RASGRP1: variants seen among roughly 807,000 people sequenced by gnomAD.
RASGRP1 encodes the protein RAS guanyl-releasing protein 1.
RASGRP1 carries 37 observed loss-of-function variants against 95.1 expected under a neutral mutation model. That is an observed-to-expected ratio of 0.39 (90% CI 0.30 to 0.51). RASGRP1 has a LOEUF of 0.51. RASGRP1 is among the 20% of genes least tolerant of loss of function. RASGRP1 has a pLI of 0.80. For missense variants in RASGRP1, 711 were observed against 965.4 expected, an observed-to-expected ratio of 0.74 and a Z score of 3.49; for synonymous variants, 325 against 353.4, an observed-to-expected ratio of 0.92 and a Z score of 0.90.
At chr15:38,523,996 A>G (rs1362339620) in intron 3 of RASGRP1, 1 of 152,506 alleles carries the variant, frequency 6.6e-6, no homozygotes, top group Non-Finnish European at 1.5e-5. Flanking sequence ...AGCAGAATTA[A>G]TGAGGTAGTG....
intron 2 of RASGRP1, among the ~76,000 whole-genome samples, chr15:38,558,076 T>A (rs1013695447): frequency 6.6e-6 from 1 of 152,152 alleles, no homozygotes; most frequent in African/African-American, 2.4e-5. Context: ...CTCGTCCCTC[T>A]TTTTTCAATA....
chr15:38,493,201 T>TTTA (rs1890663513), intron 16 of RASGRP1, among the ~76,000 whole-genome samples: 1 of 131,226 alleles, frequency 7.6e-6, no homozygotes, highest in South Asian at 2.7e-4. Flanking sequence ...TTTTTTTTTT[T>TTTA]AAGATGGAGT....
Position 38,507,765 on chromosome 15 carries a change from T to C in RASGRP1, c.1203A>G (p.Pro401=). The C allele has an allele frequency of 6.3e-7, 1 of 1,593,290 alleles. No individual in the cohort carries two copies. Among genetic ancestry groups the C allele is most frequent in the Non-Finnish European group, 8.6e-7 (1 of 1,169,544 alleles). Residue 401 remains proline (P), a synonymous_variant, in exon 9 of 17, where the codon CCA becomes CCG. Transcript: ENST00000310803. ...CCAAGTCCTTGTTAGCCTCCAAGGG[T>C]GGGGCCACCTCTTGCAGCTGGACCA... The part of the protein sequence containing the change: ...SELVQLQEVA[P]PLEANKDLVH...
chr15:38,564,665 C>G lies in RASGRP1; in HGVS notation c.-37G>C. Reference sequence around the variant, plus strand: ...GCGCTCCCGGTGCCGGCTCACCTAGCGCGGCCGGGCGCGGCGCATCGCCCC... The same window carrying G: ...GCGCTCCCGGTGCCGGCTCACCTAGGGCGGCCGGGCGCGGCGCATCGCCCC... On this transcript the variant is annotated 5_prime_UTR_variant, in exon 1 of 17. Transcript: ENST00000310803. 8.1e-7 allele frequency: 1 copy of G among 1,238,954 alleles called. No homozygotes were observed. Among genetic ancestry groups the G allele is most frequent in the Non-Finnish European group, 1.0e-6 (1 of 991,782 alleles). The allele number at this position is 1,238,954 out of a possible 1,614,324, so 76.7% of individuals were successfully genotyped here.
chr15:38,503,459 G>T, intron 10 of RASGRP1, 83 bp from the exon 11 acceptor site: 1 of 1,057,874 alleles, frequency 9.5e-7, no homozygotes, highest in Non-Finnish European at 1.4e-6. Context: ...ACTACCTGAC[G>T]GTTACATTTA....
intron 9 of RASGRP1, 36 bp from the exon 10 acceptor site, chr15:38,505,956 A>T: frequency 6.6e-7 from 1 of 1,512,454 alleles, no homozygotes; most frequent in East Asian, 2.3e-5. Flanking sequence ...CATTGCTAAG[A>T]TGCTGTTTGC....
At chr15:38,547,869 G>A (rs1029228818) in intron 2 of RASGRP1, among the ~76,000 whole-genome samples, 2 of 151,170 alleles carry the variant, frequency 1.3e-5, no homozygotes, top group Non-Finnish European at 2.9e-5. Flanking sequence ...GCGCGCGCGT[G>A]TGTGTGTGTG....
chr15:38,526,261 C>A, intron 3 of RASGRP1, 38 bp downstream of exon 3: 1 of 1,516,974 alleles, frequency 6.6e-7, no homozygotes, highest in African/African-American at 1.4e-5. Flanking sequence ...TTGGGTGGAT[C>A]CCATTTTGGG....
intron 10 of RASGRP1, 86 bp from the exon 11 acceptor site, chr15:38,503,462 T>TA: frequency 9.9e-7 from 1 of 1,013,310 alleles, no homozygotes; most frequent in Non-Finnish European, 1.5e-6. Context: ...ACCTGACGGT[T>TA]ACATTTATGG....
intron 2 of RASGRP1, among the ~76,000 whole-genome samples, chr15:38,555,929 GTTGTC>G (rs1470175871): frequency 1.3e-5 from 2 of 152,144 alleles, no homozygotes; most frequent in Non-Finnish European, 2.9e-5. Context: ...GCTGTCAGAA[GTTGTC>G]TTGCATTGAG....
chr15:38,494,723 C>T lies in RASGRP1; in HGVS notation c.1918G>A (p.Glu640Lys). The part of the protein sequence containing the change: ...PFTFPNGEAV[E>K]HGEESKDRTI... ...CGATCCTTACTCTCCTCACCATGTT[C>T]CACAGCCTCCCCATTAGGGAATGTA... The change falls in exon 16 of 17, where the codon GAA becomes AAA. Residue 640 changes from glutamate (E) to lysine (K), a missense_variant. Glu to Lys is a moderately conservative substitution (Grantham distance 56). Around this residue, in one of 3 missense-constraint regions of RASGRP1, gnomAD observed 212 missense variants for 247.8 expected, o/e 0.86. Coordinates refer to ENST00000310803, the MANE Select transcript of RASGRP1 (RefSeq NM_005739.4). The T allele has an allele frequency of 6.6e-7, 1 of 1,514,922 alleles. No homozygotes were observed. The highest frequency in any genetic ancestry group is 1.4e-5 in the South Asian group (1 of 73,532). The allele number at this position is 1,514,922 out of a possible 1,614,324, so 93.8% of individuals were successfully genotyped here.
chr15:38,544,184 T>C (rs149536094), intron 2 of RASGRP1, among the ~76,000 whole-genome samples: 59 of 152,328 alleles, frequency 3.9e-4, no homozygotes, highest in Admixed American at 1.4e-3. Flanking sequence ...CAAAGTGTTA[T>C]GTCTCTCCAT....
intron 2 of RASGRP1, among the ~76,000 whole-genome samples, chr15:38,550,764 T>C (rs1392645175): frequency 2.0e-5 from 3 of 152,160 alleles, no homozygotes; most frequent in Admixed American, 6.5e-5. Flanking sequence ...TAAATATCCA[T>C]AGAAGAGAAT....
intron 9 of RASGRP1, among the ~76,000 whole-genome samples, chr15:38,506,685 A>G (rs1891273819): frequency 6.6e-6 from 1 of 151,788 alleles, no homozygotes; most frequent in Non-Finnish European, 1.5e-5. Flanking sequence ...TCTTAGAACT[A>G]TAAAATTTTA....
intron 2 of RASGRP1, among the ~76,000 whole-genome samples, chr15:38,527,915 C>T (rs1016292501): frequency 6.6e-6 from 1 of 152,046 alleles, no homozygotes; most frequent in Non-Finnish European, 1.5e-5. Flanking sequence ...GCTATGATAA[C>T]ATCACTGCAC....
At chr15:38,560,331 T>C in intron 1 of RASGRP1, 1 of 318,326 alleles carries the variant, frequency 3.1e-6, no homozygotes, top group Non-Finnish European at 5.9e-6. Flanking sequence ...AATGTATACA[T>C]TTTTTCAGCT....
intron 15 of RASGRP1, among the ~76,000 whole-genome samples, chr15:38,498,257 C>T (rs1478784381): frequency 6.6e-6 from 1 of 152,196 alleles, no homozygotes; most frequent in Non-Finnish European, 1.5e-5. Flanking sequence ...GCTGCCTCTA[C>T]CTGCTTCTAG....
chr15:38,510,412 C>G (rs1250796010), intron 8 of RASGRP1, among the ~76,000 whole-genome samples: 1 of 152,172 alleles, frequency 6.6e-6, no homozygotes, highest in Admixed American at 6.5e-5. Context: ...GGGGGCCTCC[C>G]CAGAGGCCCA....
intron 15 of RASGRP1, among the ~76,000 whole-genome samples, chr15:38,497,530 A>G (rs1890841901): frequency 6.6e-6 from 1 of 152,088 alleles, no homozygotes; most frequent in African/African-American, 2.4e-5. Context: ...ACTTAGCTGA[A>G]ATTCCACCTT....
Sources: allele counts gnomAD v4.1 joint callset (sites outside exome capture counted in the v4.1 genomes callset), GRCh38; gene constraint gnomAD v4.1.1; regional missense constraint gnomAD v4.1.1; transcripts MANE v1.5; gene names NCBI Gene and HGNC (gene_info 2026-07-23, HGNC 2026-07-21).